The following GRID2 variants were observed in gnomAD, a reference collection of about 807,000 sequenced individuals.
GRID2 encodes glutamate receptor ionotropic, delta-2.
Under a neutral mutation model 114.8 loss-of-function variants are expected in GRID2, and 33 were observed. The ratio of observed to expected loss-of-function variants is 0.29; its 90% CI spans 0.22 to 0.38. The LOEUF is 0.38. Among genes scored for constraint, GRID2 ranks in the 10% least tolerant of loss-of-function variants. The pLI is 1.00. For missense variants in GRID2, 1,184 were observed against 1,257.7 expected (o/e 0.94, Z 0.89); for synonymous variants, 505 against 449.9 (o/e 1.12, Z -1.55).
At chr4:93,121,390 T>G (rs1733770892) in intron 4 of GRID2, among the ~76,000 whole-genome samples, 1 of 152,170 alleles carries the variant, frequency 6.6e-6, no homozygotes, top group Non-Finnish European at 1.5e-5. Flanking sequence ...TCTGATTAAT[T>G]TTAAACTGTA....
chr4:92,599,560 A>G (rs1729103382), intron 2 of GRID2, among the ~76,000 whole-genome samples: 2 of 152,298 alleles, frequency 1.3e-5, no homozygotes, highest in East Asian at 1.9e-4. Context: ...ACTGTACTTC[A>G]AAAACACATG....
chr4:93,107,066 G>A (rs1007493576), intron 3 of GRID2, among the ~76,000 whole-genome samples: 18 of 152,058 alleles, frequency 1.2e-4, no homozygotes, highest in South Asian at 4.1e-4. Flanking sequence ...TTGGGAGGCC[G>A]AGGCAGGTGG....
chr4:93,306,569 G>T (rs1755447115), intron 8 of GRID2, among the ~76,000 whole-genome samples: 2 of 152,158 alleles, frequency 1.3e-5, no homozygotes, highest in South Asian at 4.1e-4. Flanking sequence ...GTATTGAGAT[G>T]AAAGAAAGAT....
At chr4:93,408,470 G>A (rs967661425) in intron 9 of GRID2, among the ~76,000 whole-genome samples, 2 of 151,830 alleles carry the variant, frequency 1.3e-5, no homozygotes, top group African/African-American at 4.8e-5. Flanking sequence ...TTTAGGTCAA[G>A]CTTTTCAATT....
chr4:92,347,767 A>G (rs1198778910), intron 1 of GRID2, among the ~76,000 whole-genome samples: 1 of 152,122 alleles, frequency 6.6e-6, no homozygotes, highest in Non-Finnish European at 1.5e-5. Flanking sequence ...GCTTGTTAAG[A>G]ACAAAGAACA....
At chr4:93,211,687 G>T (rs1053180886) in intron 5 of GRID2, among the ~76,000 whole-genome samples, 4 of 152,008 alleles carry the variant, frequency 2.6e-5, no homozygotes, top group Admixed American at 1.3e-4. Context: ...TCCAGCAGAG[G>T]TATAATTTCT....
intron 1 of GRID2, among the ~76,000 whole-genome samples, chr4:92,495,454 AG>A (rs986624653): frequency 6.6e-6 from 1 of 152,012 alleles, no homozygotes; most frequent in Non-Finnish European, 1.5e-5. Context: ...AGAGGATCAC[AG>A]GCAGAGATGC....
At chr4:93,167,418 T>C (rs926216454) in intron 4 of GRID2, among the ~76,000 whole-genome samples, 2 of 152,168 alleles carry the variant, frequency 1.3e-5, no homozygotes, top group African/African-American at 2.4e-5. Context: ...CTGGTTTTTG[T>C]TGTCTTAGTT....
At chr4:93,681,994 A>G (rs1053610926) in intron 14 of GRID2, among the ~76,000 whole-genome samples, 1 of 151,420 alleles carries the variant, frequency 6.6e-6, no homozygotes, top group Non-Finnish European at 1.5e-5. Flanking sequence ...TGAACAGGCA[A>G]CCTACAAAAT....
At position 93,440,102 on chromosome 4, in the gene GRID2, A is replaced by G. The variant is rs534496303; in HGVS notation, c.1546-15560A>G. The stretch of plus-strand genomic sequence containing the variant: ...AGGAGAAGGTCCTGTTATGAGGAGC[A>G]ACGCTTGTGAATGAAGAAGGGTTCT... On this transcript the variant is annotated intron_variant, in intron 10 of 15. Coordinates refer to ENST00000282020, the MANE Select transcript of GRID2 (RefSeq NM_001510.4). 4.6e-5 allele frequency among the ~76,000 whole-genome samples: 7 copies of G among 152,216 alleles called. No individual in the cohort carries two copies. In the East Asian group the frequency reaches 1.4e-3, roughly 30 times the overall value.
chr4:92,623,248 T>G (rs1287216329), intron 2 of GRID2, among the ~76,000 whole-genome samples: 1 of 151,630 alleles, frequency 6.6e-6, no homozygotes, highest in Non-Finnish European at 1.5e-5. Flanking sequence ...CTTTGTATTC[T>G]TCATATGATT....
At chr4:93,625,886 G>A (rs1311835218) in intron 13 of GRID2, among the ~76,000 whole-genome samples, 1 of 152,100 alleles carries the variant, frequency 6.6e-6, no homozygotes, top group African/African-American at 2.4e-5. Context: ...CTGCACTCCA[G>A]CCTGGGCGAC....
intron 2 of GRID2, among the ~76,000 whole-genome samples, chr4:92,840,231 G>T (rs1027141097): frequency 2.6e-5 from 4 of 151,684 alleles, no homozygotes; most frequent in African/African-American, 7.3e-5. Flanking sequence ...TGTGTCTCTT[G>T]TATTCAACAG....
intron 2 of GRID2, among the ~76,000 whole-genome samples, chr4:92,877,487 A>G (rs1745716635): frequency 6.6e-6 from 1 of 152,214 alleles, no homozygotes; most frequent in African/African-American, 2.4e-5. Context: ...AATGAGGATG[A>G]GCGAGGCATC....
At chr4:93,300,595 A>C (rs1754760175) in intron 8 of GRID2, among the ~76,000 whole-genome samples, 1 of 152,102 alleles carries the variant, frequency 6.6e-6, no homozygotes, top group African/African-American at 2.4e-5. Flanking sequence ...ATTAGGAAAA[A>C]TATTTGGCCT....
chr4:92,457,749 G>A (rs998978009), intron 1 of GRID2, among the ~76,000 whole-genome samples: 3 of 151,984 alleles, frequency 2.0e-5, no homozygotes, highest in African/African-American at 7.3e-5. Flanking sequence ...GCCTCCAAGA[G>A]AAAAGGCACG....
intron 2 of GRID2, among the ~76,000 whole-genome samples, chr4:93,017,808 A>G (rs1722899513): frequency 6.9e-6 from 1 of 145,560 alleles, no homozygotes; most frequent in South Asian, 2.1e-4. Flanking sequence ...CTTTTCAAGA[A>G]AAAAAAAAAA....
chr4:93,369,879 C>T (rs1579849291), intron 8 of GRID2, among the ~76,000 whole-genome samples: 2 of 152,182 alleles, frequency 1.3e-5, no homozygotes, highest in East Asian at 1.9e-4. Flanking sequence ...GCATCTGTAA[C>T]ACAATGAAGC....
At chr4:92,583,923 G>GTGTA (rs1553903471) in intron 1 of GRID2, among the ~76,000 whole-genome samples, 1,927 of 147,898 alleles carry the variant, frequency 0.013, 31 homozygotes, top group African/African-American at 0.045. Flanking sequence ...ACACATATAT[G>GTGTA]TATATATATA....
Sources: gnomAD v4.1 joint callset for allele counts (sites outside exome capture counted in the v4.1 genomes callset) on GRCh38, gnomAD v4.1.1 for gene constraint, MANE v1.5 for transcripts, NCBI Gene and HGNC (gene_info 2026-07-23, HGNC 2026-07-21) for gene names.